ZNF33A: variants seen among roughly 807,000 people sequenced by gnomAD.
ZNF33A encodes zinc finger protein 33A.
In ZNF33A, 9 loss-of-function variants were observed where a neutral mutation model predicts 15.9. The observed-to-expected ratio is 0.57, with a 90% CI of 0.34 to 0.99. The LOEUF (loss-of-function observed/expected upper bound fraction) is 0.99, where lower values mean the gene tolerates loss of function less well. Among genes scored for constraint, ZNF33A ranks in the 50% least tolerant of loss-of-function variants. ZNF33A has a pLI of 0.02. For synonymous variants in ZNF33A, 294 were observed against 324.2 expected (o/e 0.91, Z 1.00); for missense variants, 843 against 941.6 (o/e 0.90, Z 1.37).
chr10:38,031,774 C>G (rs1021085248), intron 4 of ZNF33A, among the ~76,000 whole-genome samples: 1 of 150,584 alleles, frequency 6.6e-6, no homozygotes, highest in African/African-American at 2.4e-5. Flanking sequence ...ACCATCCGGG[C>G]CAACATGGTG....
At chr10:38,048,125 A>C (rs2066039363) in intron 4 of ZNF33A, among the ~76,000 whole-genome samples, 1 of 152,238 alleles carries the variant, frequency 6.6e-6, no homozygotes, top group Admixed American at 6.5e-5. Context: ...CAAAGCTGAA[A>C]GATTTCCTCT....
downstream of ZNF33A, among the ~76,000 whole-genome samples, chr10:38,063,212 C>T (rs1431462103): frequency 6.6e-6 from 1 of 152,026 alleles, no homozygotes; most frequent in African/African-American, 2.4e-5. Context: ...CACAGGTTCA[C>T]ATGGAAAGGA....
chr10:38,011,342 T>C (rs1027480560), intron 1 of ZNF33A, among the ~76,000 whole-genome samples: 6 of 152,142 alleles, frequency 3.9e-5, no homozygotes, highest in Non-Finnish European at 7.4e-5. Context: ...CCCAGCACTT[T>C]GGGAGGCCGA....
intron 4 of ZNF33A, among the ~76,000 whole-genome samples, chr10:38,032,119 C>A: frequency 6.6e-6 from 1 of 151,436 alleles, no homozygotes. Flanking sequence ...ATTACACAGA[C>A]AATAAAAAAA....
downstream of ZNF33A, among the ~76,000 whole-genome samples, chr10:38,067,353 G>C (rs650226): frequency 6.6e-6 from 1 of 152,160 alleles, no homozygotes; most frequent in Non-Finnish European, 1.5e-5. Flanking sequence ...CTGTATCCTA[G>C]ACTCCAGACT....
chr10:38,027,005 G>T (rs978259001), intron 4 of ZNF33A, among the ~76,000 whole-genome samples: 8 of 152,060 alleles, frequency 5.3e-5, no homozygotes, highest in Non-Finnish European at 1.5e-5. Context: ...GAATAGAATT[G>T]ACACCCTTGT....
downstream of ZNF33A, among the ~76,000 whole-genome samples, chr10:38,066,717 T>C (rs1439848831): frequency 2.6e-5 from 4 of 152,002 alleles, no homozygotes; most frequent in African/African-American, 4.8e-5. Flanking sequence ...GGTGGATCAC[T>C]TGAGGCCAGG....
At chr10:38,039,484 C>G in intron 4 of ZNF33A, 1 of 456,056 alleles carries the variant, frequency 2.2e-6, no homozygotes, top group South Asian at 1.5e-5. Context: ...GCCTTGGCCT[C>G]CCAAAGTGGT....
intron 4 of ZNF33A, among the ~76,000 whole-genome samples, chr10:38,038,054 G>C (rs2065530271): frequency 6.6e-6 from 1 of 152,100 alleles, no homozygotes; most frequent in Non-Finnish European, 1.5e-5. Flanking sequence ...GTGGTTTTCA[G>C]ACTATAAGCT....
chr10:38,026,309 A>G (rs2064985736), intron 4 of ZNF33A, among the ~76,000 whole-genome samples: 1 of 134,784 alleles, frequency 7.4e-6, no homozygotes. Flanking sequence ...CCACTGAATT[A>G]TTTTTAATGT....
chr10:38,012,330 G>A lies in ZNF33A; in HGVS notation c.-12G>A, dbSNP rs748506249. On this transcript the variant is annotated 5_prime_UTR_variant, in exon 2 of 5. Coordinates refer to ENST00000432900, the MANE Select transcript of ZNF33A (RefSeq NM_006954.2). ...TTCAGAGTTGTCTCCGTCTTTCCAAGAACAGAACAAAATGAACAAGGTAAG... is the reference window on the plus strand; with the variant it reads ...TTCAGAGTTGTCTCCGTCTTTCCAAAAACAGAACAAAATGAACAAGGTAAG... The A allele has an allele frequency of 6.2e-7, 1 of 1,607,378 alleles. No homozygotes were observed. The highest frequency in any genetic ancestry group is 1.1e-5 in the South Asian group (1 of 90,878).
chr10:38,052,971 ATATAC>A (rs1387330447), intron 4 of ZNF33A, among the ~76,000 whole-genome samples: 2 of 151,560 alleles, frequency 1.3e-5, no homozygotes, highest in African/African-American at 4.8e-5. Flanking sequence ...GCAATAACAT[ATATAC>A]TATATTATAA....
At chr10:38,012,516 C>T (rs1265323271) in intron 2 of ZNF33A, among the ~76,000 whole-genome samples, 166 bp downstream of exon 2, 6 of 143,594 alleles carry the variant, frequency 4.2e-5, no homozygotes, top group African/African-American at 1.5e-4. Context: ...ACTGCAACCT[C>T]TGCCTCCCGG....
At chr10:38,021,484 TA>T (rs1267170662) in intron 4 of ZNF33A, among the ~76,000 whole-genome samples, 3 of 99,622 alleles carry the variant, frequency 3.0e-5, no homozygotes, top group Non-Finnish European at 4.3e-5. Flanking sequence ...CTACTAAAAA[TA>T]CAAAAATTAG....
intron 4 of ZNF33A, among the ~76,000 whole-genome samples, chr10:38,029,394 T>G (rs2065119221): frequency 6.6e-6 from 1 of 152,208 alleles, no homozygotes; most frequent in Non-Finnish European, 1.5e-5. Context: ...GGCCTTCAAT[T>G]GATTTCTAAG....
At chr10:38,026,576 C>T (rs368892267) in intron 4 of ZNF33A, among the ~76,000 whole-genome samples, 19 of 152,288 alleles carry the variant, frequency 1.2e-4, no homozygotes, top group African/African-American at 4.1e-4. Context: ...GTGATCCACC[C>T]GCCTTGACCT....
chr10:38,064,096 G>C (rs1399770323), downstream of ZNF33A: 1 of 1,597,556 alleles, frequency 6.3e-7, no homozygotes, highest in Admixed American at 1.7e-5. Context: ...AGGCCCCTGA[G>C]ATGCTCATGC....
chr10:38,038,032 T>C (rs2474541), intron 4 of ZNF33A, among the ~76,000 whole-genome samples: 9,132 of 152,322 alleles, frequency 0.06, 353 homozygotes, highest in Middle Eastern at 0.095. Context: ...TAATTTCTTC[T>C]ATCATTGTTT....
intron 4 of ZNF33A, among the ~76,000 whole-genome samples, chr10:38,046,749 T>C (rs1017598101): frequency 3.9e-5 from 6 of 152,146 alleles, no homozygotes; most frequent in African/African-American, 1.4e-4. Context: ...GAAAATAGTA[T>C]TATAATTGGA....
Sources: allele counts gnomAD v4.1 joint callset (sites outside exome capture counted in the v4.1 genomes callset), GRCh38; gene constraint gnomAD v4.1.1; transcripts MANE v1.5; gene names NCBI Gene and HGNC (gene_info 2026-07-23, HGNC 2026-07-21).